TBC1D22A: variants seen among roughly 807,000 people sequenced by gnomAD.
The protein encoded by TBC1D22A is TBC1 domain family member 22A, also known as putative GTPase activator.
A neutral mutation model predicts 60.2 loss-of-function variants in TBC1D22A; 38 were observed. That is an observed-to-expected ratio of 0.63 (90% CI 0.49 to 0.83). The LOEUF (loss-of-function observed/expected upper bound fraction) is 0.83, where lower values mean the gene tolerates loss of function less well. TBC1D22A is among the 40% of genes least tolerant of loss of function. TBC1D22A has a pLI of 0.00. For synonymous variants in TBC1D22A, 302 were observed against 281.7 expected, an observed-to-expected ratio of 1.07 and a Z score of -0.72; for missense variants, 628 against 701.0, an observed-to-expected ratio of 0.90 and a Z score of 1.18.
chr22:47,157,415 TTG>T (rs1022410310), intron 12 of TBC1D22A, among the ~76,000 whole-genome samples: 1 of 152,192 alleles, frequency 6.6e-6, no homozygotes, highest in Non-Finnish European at 1.5e-5. Context: ...GGCTTGGAAC[TTG>T]TGTGTTTGTG....
intron 12 of TBC1D22A, among the ~76,000 whole-genome samples, chr22:47,112,182 A>AC (rs1030000482): frequency 2.0e-5 from 3 of 152,128 alleles, no homozygotes; most frequent in African/African-American, 7.2e-5. Flanking sequence ...CCAGCCCCTG[A>AC]CCCACCCCAC....
chr22:46,906,890 G>C (rs1052252346), intron 7 of TBC1D22A, among the ~76,000 whole-genome samples: 3 of 151,820 alleles, frequency 2.0e-5, no homozygotes, highest in African/African-American at 7.3e-5. Context: ...GCTCTTTCCT[G>C]CGTGTGTATA....
intron 11 of TBC1D22A, among the ~76,000 whole-genome samples, chr22:47,079,342 C>T (rs2064362466): frequency 6.6e-6 from 1 of 152,274 alleles, no homozygotes; most frequent in East Asian, 1.9e-4. Flanking sequence ...TTGCCTTGGC[C>T]TCCCAAAGTA....
At chr22:46,966,686 C>T (rs191272460) in intron 8 of TBC1D22A, among the ~76,000 whole-genome samples, 10 of 152,294 alleles carry the variant, frequency 6.6e-5, no homozygotes, top group South Asian at 6.2e-4. Context: ...CACTTTTTAC[C>T]GCAGTATCTA....
intron 12 of TBC1D22A, among the ~76,000 whole-genome samples, chr22:47,121,826 G>A (rs571493419): frequency 6.6e-6 from 1 of 152,286 alleles, no homozygotes; most frequent in Non-Finnish European, 1.5e-5. Context: ...TGCTTTGTGA[G>A]GTTCGTGGCT....
intron 8 of TBC1D22A, among the ~76,000 whole-genome samples, chr22:46,943,503 G>A (rs1941322443): frequency 6.6e-6 from 1 of 152,220 alleles, no homozygotes; most frequent in Admixed American, 6.5e-5. Context: ...CGCCAGGACT[G>A]GAGCATCGGG....
intron 10 of TBC1D22A, among the ~76,000 whole-genome samples, chr22:47,026,249 C>T (rs576611436): frequency 4.6e-5 from 7 of 152,138 alleles, no homozygotes; most frequent in Non-Finnish European, 8.8e-5. Context: ...AGAGCATGTT[C>T]GATGTTTAAA....
At chr22:46,927,179 A>G (rs2071095565) in intron 8 of TBC1D22A, among the ~76,000 whole-genome samples, 4 of 152,256 alleles carry the variant, frequency 2.6e-5, no homozygotes, top group African/African-American at 7.2e-5. Context: ...AATATTCCTT[A>G]TCACAATGGA....
intron 4 of TBC1D22A, among the ~76,000 whole-genome samples, chr22:46,844,877 C>T (rs929804513): frequency 2.0e-5 from 3 of 152,090 alleles, no homozygotes; most frequent in African/African-American, 7.2e-5. Context: ...GGAGATGCTG[C>T]GCCCTCCTTC....
chr22:46,833,835 C>T (rs574225937), intron 4 of TBC1D22A, among the ~76,000 whole-genome samples: 3 of 152,256 alleles, frequency 2.0e-5, no homozygotes, highest in East Asian at 3.9e-4. Flanking sequence ...CCTACTGATA[C>T]CTGAGTGCTG....
rs967858674 is a variant in TBC1D22A at position 46,985,335 on chromosome 22, C to T, written c.1125+10936C>T. Among the ~76,000 whole-genome samples, 7 of 152,134 alleles carry T rather than the reference C, an allele frequency of 4.6e-5. No homozygotes were observed. The East Asian group carries it at 5.8e-4, about 13-fold the overall frequency. Reference sequence around the variant, plus strand: ...TCAAATCCACACCTGCCCCAGATGCCGGCTCAACTGTGCCCCTGTGGGGAA... The same window carrying T: ...TCAAATCCACACCTGCCCCAGATGCTGGCTCAACTGTGCCCCTGTGGGGAA... On this transcript the variant is annotated intron_variant, in intron 9 of 12. Transcript: ENST00000337137.
At chr22:47,113,614 A>G (rs1257046184) in intron 12 of TBC1D22A, among the ~76,000 whole-genome samples, 2 of 152,202 alleles carry the variant, frequency 1.3e-5, no homozygotes, top group Non-Finnish European at 1.5e-5. Flanking sequence ...ACAGTAAAGA[A>G]ATGATTGACC....
intron 11 of TBC1D22A, among the ~76,000 whole-genome samples, chr22:47,095,890 AG>A (rs1163602679): frequency 6.6e-6 from 1 of 152,226 alleles, no homozygotes; most frequent in Non-Finnish European, 1.5e-5. Flanking sequence ...ACCCTTTCCC[AG>A]GGCTGGGCTG....
chr22:47,138,763 G>A (rs564347650), intron 12 of TBC1D22A, among the ~76,000 whole-genome samples: 5 of 152,256 alleles, frequency 3.3e-5, no homozygotes, highest in Admixed American at 2.0e-4. Flanking sequence ...TCAAGGCACC[G>A]GCAGACCCGG....
At chr22:46,829,771 A>C (rs1296010743) in intron 4 of TBC1D22A, among the ~76,000 whole-genome samples, 1 of 152,318 alleles carries the variant, frequency 6.6e-6, no homozygotes, top group East Asian at 1.9e-4. Context: ...TTCTGAGGTT[A>C]TCTCTAGCCT....
intron 8 of TBC1D22A, among the ~76,000 whole-genome samples, chr22:46,967,943 C>G (rs1317676339): frequency 6.6e-6 from 1 of 152,230 alleles, no homozygotes; most frequent in Admixed American, 6.5e-5. Context: ...AGAGCACCCC[C>G]TGGTAATTAC....
chr22:46,949,258 C>G (rs1159487918), intron 8 of TBC1D22A, among the ~76,000 whole-genome samples: 1 of 152,244 alleles, frequency 6.6e-6, no homozygotes, highest in Non-Finnish European at 1.5e-5. Flanking sequence ...ATGACAACAG[C>G]CGGTCACACT....
At chr22:46,797,648 A>G (rs766363199) in intron 4 of TBC1D22A, 28 bp downstream of exon 4, 2 of 1,560,880 alleles carry the variant, frequency 1.3e-6, no homozygotes, top group East Asian at 4.7e-5. Context: ...TGGAGGACAC[A>G]CACAGACATT....
At chr22:46,948,913 A>T (rs2072722730) in intron 8 of TBC1D22A, among the ~76,000 whole-genome samples, 1 of 152,186 alleles carries the variant, frequency 6.6e-6, no homozygotes, top group Non-Finnish European at 1.5e-5. Flanking sequence ...CAGACTGAAC[A>T]CTATGTGCCG....
Sources: allele counts gnomAD v4.1 joint callset (sites outside exome capture counted in the v4.1 genomes callset), GRCh38; gene constraint gnomAD v4.1.1; transcripts MANE v1.5; gene names NCBI Gene and HGNC (gene_info 2026-07-23, HGNC 2026-07-21).